TGFBR2: variants seen among roughly 807,000 people sequenced by gnomAD.
TGFBR2 encodes the protein transforming growth factor beta receptor 2, also known as TGF-beta receptor type-2.
Under a neutral mutation model 49.0 loss-of-function variants are expected in TGFBR2, and 18 were observed. The observed-to-expected ratio is 0.37, with a 90% CI of 0.25 to 0.54. TGFBR2 has a LOEUF of 0.54. TGFBR2 is among the 20% of genes least tolerant of loss of function. The pLI is 0.85. For synonymous variants in TGFBR2, 282 were observed against 275.9 expected (o/e 1.02, Z -0.22); for missense variants, 525 against 722.6 (o/e 0.73, Z 3.13).
At chr3:30,661,740 AGAG>A in intron 3 of TGFBR2, 4 of 366,802 alleles carry the variant, frequency 1.1e-5, no homozygotes, top group South Asian at 4.1e-5. Flanking sequence ...ACTTGGTGGA[AGAG>A]GAGGTGAGAG....
chr3:30,642,985 T>A (rs968006766), intron 1 of TGFBR2, among the ~76,000 whole-genome samples: 1 of 152,198 alleles, frequency 6.6e-6, no homozygotes, highest in African/African-American at 2.4e-5. Context: ...AATGGCTTTA[T>A]TTTTTTCTTC....
intron 3 of TGFBR2, 91 bp downstream of exon 3, chr3:30,650,551 T>A: frequency 7.5e-7 from 1 of 1,332,008 alleles, no homozygotes. Context: ...ACATTCCTCC[T>A]GTGGTGGATT....
At chr3:30,637,031 T>G (rs1285170463) in intron 1 of TGFBR2, among the ~76,000 whole-genome samples, 2 of 144,866 alleles carry the variant, frequency 1.4e-5, no homozygotes, top group Non-Finnish European at 3.0e-5. Context: ...GCCACTGCAC[T>G]CCAGCCTGGG....
intron 2 of TGFBR2, among the ~76,000 whole-genome samples, chr3:30,646,605 A>C (rs1372869239): frequency 6.6e-6 from 1 of 152,242 alleles, no homozygotes; most frequent in Non-Finnish European, 1.5e-5. Flanking sequence ...AGACATTTTC[A>C]CAATCATGGT....
chr3:30,636,183 GTGTGTGTGTGTGTGTGTA>G (rs1296615091), intron 1 of TGFBR2, among the ~76,000 whole-genome samples: 1 of 149,580 alleles, frequency 6.7e-6, no homozygotes, highest in African/African-American at 2.5e-5. Context: ...GTGTGTGTGT[GTGTGTGTGTGTGTGTGTA>G]TAGTACTGGG....
chr3:30,648,429 C>CAA (rs1297107530), intron 2 of TGFBR2, among the ~76,000 whole-genome samples: 61 of 88,758 alleles, frequency 6.9e-4, no homozygotes, highest in African/African-American at 3.0e-3. Context: ...TACACACACA[C>CAA]ACACACACAC....
At chr3:30,648,690 C>G (rs527941061) in intron 2 of TGFBR2, among the ~76,000 whole-genome samples, 3 of 152,056 alleles carry the variant, frequency 2.0e-5, no homozygotes, top group African/African-American at 7.2e-5. Flanking sequence ...CTTAGCAAAG[C>G]CTTGCTCCTC....
chr3:30,634,877 A>G (rs958177850), intron 1 of TGFBR2, among the ~76,000 whole-genome samples: 1 of 151,988 alleles, frequency 6.6e-6, no homozygotes, highest in Non-Finnish European at 1.5e-5. Context: ...GCTCCATTCT[A>G]CTCTTTCACT....
chr3:30,623,242 C>A (rs1237118370), intron 1 of TGFBR2: 2 of 1,612,810 alleles, frequency 1.2e-6, no homozygotes, highest in South Asian at 2.2e-5. Flanking sequence ...TCTGCCCCAG[C>A]TGTAATAGGA....
intron 3 of TGFBR2, among the ~76,000 whole-genome samples, chr3:30,667,244 CTG>C (rs1242387329): frequency 3.9e-5 from 6 of 152,212 alleles, no homozygotes; most frequent in Non-Finnish European, 7.3e-5. Flanking sequence ...ATGAGTTTCT[CTG>C]TAACTGGCGG....
At chr3:30,662,652 T>G (rs1483245945) in intron 3 of TGFBR2, among the ~76,000 whole-genome samples, 1 of 152,246 alleles carries the variant, frequency 6.6e-6, no homozygotes, top group Admixed American at 6.5e-5. Flanking sequence ...TTTTATTGTT[T>G]GCCTAAATTG....
At chr3:30,614,115 C>CTTTTTTT (rs5847643) in intron 1 of TGFBR2, among the ~76,000 whole-genome samples, 1 of 120,628 alleles carries the variant, frequency 8.3e-6, no homozygotes, top group African/African-American at 3.2e-5. Context: ...TTTTTCTTTC[C>CTTTTTTT]TTTTTTTTTT....
At chr3:30,686,586 G>A (rs970456588) in intron 5 of TGFBR2, among the ~76,000 whole-genome samples, 3 of 152,182 alleles carry the variant, frequency 2.0e-5, no homozygotes, top group African/African-American at 4.8e-5. Context: ...AAAACAAGCC[G>A]TCCCTTTTCA....
At chr3:30,628,782 A>C (rs1698384551) in intron 1 of TGFBR2, among the ~76,000 whole-genome samples, 1 of 151,978 alleles carries the variant, frequency 6.6e-6, no homozygotes, top group Non-Finnish European at 1.5e-5. Context: ...GCTTGTTGCA[A>C]ACCTAGTTGG....
chr3:30,622,342 T>C (rs1698244554), intron 1 of TGFBR2, among the ~76,000 whole-genome samples: 1 of 152,186 alleles, frequency 6.6e-6, no homozygotes, highest in African/African-American at 2.4e-5. Context: ...CAGTTCAAGA[T>C]TGTGTTGGTT....
At chr3:30,688,894 G>C (rs1383631081) in intron 6 of TGFBR2, among the ~76,000 whole-genome samples, 1 of 152,182 alleles carries the variant, frequency 6.6e-6, no homozygotes, top group Non-Finnish European at 1.5e-5. Context: ...GCTCCATAAG[G>C]AAATACTTAG....
intron 1 of TGFBR2, among the ~76,000 whole-genome samples, chr3:30,621,623 T>C (rs374453742): frequency 1.3e-5 from 2 of 152,172 alleles, no homozygotes; most frequent in South Asian, 2.1e-4. Context: ...GTGGCACTTA[T>C]TGGAAATGGT....
intron 6 of TGFBR2, among the ~76,000 whole-genome samples, chr3:30,689,838 T>G (rs1048666696): frequency 6.6e-6 from 1 of 152,226 alleles, no homozygotes; most frequent in Non-Finnish European, 1.5e-5. Context: ...GCATAATACA[T>G]TTTTTCTCAT....
chr3:30,675,337 C>G (rs1403075998), intron 5 of TGFBR2, among the ~76,000 whole-genome samples: 2 of 151,490 alleles, frequency 1.3e-5, no homozygotes, highest in South Asian at 4.2e-4. Flanking sequence ...CCTGAGAAAT[C>G]TGTGCACCCA....
Sources: gnomAD v4.1 joint callset for allele counts (sites outside exome capture counted in the v4.1 genomes callset) on GRCh38, gnomAD v4.1.1 for gene constraint, MANE v1.5 for transcripts, NCBI Gene and HGNC (gene_info 2026-07-23, HGNC 2026-07-21) for gene names.